Variants in PTPRD observed in about 807,000 individuals in gnomAD.
PTPRD encodes the protein protein tyrosine phosphatase receptor type D.
Under a neutral mutation model 214.5 loss-of-function variants are expected in PTPRD, and 34 were observed. The observed-to-expected ratio is 0.16, with a 90% confidence interval of 0.12 to 0.21. The LOEUF (loss-of-function observed/expected upper bound fraction) is 0.21. Ranked by LOEUF, PTPRD falls within the 10% of genes least tolerant of loss-of-function variation. PTPRD has a pLI of 1.00. For synonymous variants in PTPRD, 1,128 were observed against 845.7 expected (o/e 1.33, Z -5.79); for missense variants, 2,545 against 2,398.7 (o/e 1.06, Z -1.27).
At chr9:8,353,735 G>A (rs1418632914) in intron 39 of PTPRD, among the ~76,000 whole-genome samples, 1 of 151,406 alleles carries the variant, frequency 6.6e-6, no homozygotes, top group African/African-American at 2.4e-5. Context: ...CACCCAGCCA[G>A]TACTGCCCAT....
chr9:8,903,232 T>C (rs933098440), intron 11 of PTPRD, among the ~76,000 whole-genome samples: 3 of 152,118 alleles, frequency 2.0e-5, no homozygotes, highest in African/African-American at 7.2e-5. Context: ...ACGCCGAGGC[T>C]TGGGATATGA....
intron 39 of PTPRD, among the ~76,000 whole-genome samples, chr9:8,345,462 A>G (rs1027845094): frequency 6.6e-6 from 1 of 152,112 alleles, no homozygotes; most frequent in African/African-American, 2.4e-5. Context: ...CGTCTGTGAT[A>G]TTTCATTGGC....
chr9:9,672,375 G>A (rs983012398), intron 7 of PTPRD, among the ~76,000 whole-genome samples: 10 of 151,942 alleles, frequency 6.6e-5, no homozygotes, highest in South Asian at 2.1e-4. Context: ...CTACATTTAG[G>A]TATTGGTTAT....
rs182649645 is a variant in PTPRD, at chr9:8,913,483, A to C, written c.-104+105214T>G. Among the ~76,000 whole-genome samples, 484 of 152,228 alleles carry C rather than the reference A, an allele frequency of 3.2e-3. 1 individual carries two copies. Among genetic ancestry groups the C allele is most frequent in the African/African-American group, 0.011 (463 of 41,544 alleles). On this transcript the variant is annotated intron_variant, in intron 11 of 45. Transcript: ENST00000381196. ...CCTCAAAAATCAAGCAAAGTATATT[A>C]TTTACAGATGAGGGGTTCTATTCTG...
chr9:9,467,746 T>C (rs950106985), intron 8 of PTPRD, among the ~76,000 whole-genome samples: 3 of 152,126 alleles, frequency 2.0e-5, no homozygotes, highest in African/African-American at 7.2e-5. Context: ...TTTAAGTAGG[T>C]ATTGACTTTT....
At chr9:8,879,888 T>C (rs922202507) in intron 11 of PTPRD, among the ~76,000 whole-genome samples, 2 of 152,180 alleles carry the variant, frequency 1.3e-5, no homozygotes. Flanking sequence ...CACTAAAATG[T>C]GTAAGGAGAG....
chr9:9,874,392 G>C (rs1367639061), intron 5 of PTPRD, among the ~76,000 whole-genome samples: 2 of 152,054 alleles, frequency 1.3e-5, no homozygotes, highest in Admixed American at 6.6e-5. Flanking sequence ...ATGTTATACA[G>C]GATATCAATA....
intron 3 of PTPRD, among the ~76,000 whole-genome samples, chr9:10,236,877 AC>A (rs1564706813): frequency 6.6e-6 from 1 of 151,938 alleles, no homozygotes. Flanking sequence ...CTGACCATTA[AC>A]CTGTAAAAAA....
chr9:8,636,175 C>T (rs938974141), intron 13 of PTPRD, among the ~76,000 whole-genome samples: 7 of 152,106 alleles, frequency 4.6e-5, no homozygotes, highest in African/African-American at 1.2e-4. Context: ...TTCTTGATAA[C>T]GAGGATTTAA....
intron 7 of PTPRD, among the ~76,000 whole-genome samples, chr9:9,673,828 G>A (rs1418999552): frequency 6.6e-6 from 1 of 151,516 alleles, no homozygotes; most frequent in Non-Finnish European, 1.5e-5. Context: ...AAATGAGTGG[G>A]CTGACAGCAT....
intron 10 of PTPRD, among the ~76,000 whole-genome samples, chr9:9,041,988 G>A (rs1590335249): frequency 6.6e-6 from 1 of 152,310 alleles, no homozygotes; most frequent in East Asian, 1.9e-4. Context: ...GAAGGGTGAT[G>A]ATGTGACATA....
rs58429749 is a variant in PTPRD at position 8,905,738 on chromosome 9, C to CAAA, written c.-104+112956_-104+112958dup. ...TGGGAGACAGAGTGAGACTCCCTCG[C>CAAA]AAAAAAAAAAAAAAAAATGGAGAGA... On this transcript the variant is annotated intron_variant, in intron 11 of 45. Transcript: ENST00000381196. 3.8e-3 allele frequency among the ~76,000 whole-genome samples: 377 copies of CAAA among 98,996 alleles called. 3 individuals carry two copies. Among genetic ancestry groups the CAAA allele is most frequent in the African/African-American group, 0.012 (363 of 30,088 alleles). 64.9% of individuals were successfully genotyped at this position (98,996 alleles called of 152,430 possible).
chr9:8,763,518 A>C (rs929539559), intron 11 of PTPRD, among the ~76,000 whole-genome samples: 1 of 151,956 alleles, frequency 6.6e-6, no homozygotes, highest in Non-Finnish European at 1.5e-5. Flanking sequence ...GTCTCAAAAA[A>C]ATAAAGGCAA....
chr9:8,900,715 C>T (rs2098661336), intron 11 of PTPRD, among the ~76,000 whole-genome samples: 1 of 152,120 alleles, frequency 6.6e-6, no homozygotes. Flanking sequence ...CTGAGAAAGA[C>T]AGTCTTGTTT....
chr9:8,698,284 G>A (rs1176117791), intron 12 of PTPRD, among the ~76,000 whole-genome samples: 2 of 152,168 alleles, frequency 1.3e-5, no homozygotes, highest in Admixed American at 6.5e-5. Context: ...AACTGCTGTA[G>A]CTTTTAAGAC....
intron 27 of PTPRD, among the ~76,000 whole-genome samples, chr9:8,488,584 C>T (rs1469946516): frequency 6.6e-6 from 1 of 152,222 alleles, no homozygotes; most frequent in African/African-American, 2.4e-5. Context: ...ACGACCAACA[C>T]ACACTCTCAG....
intron 44 of PTPRD, among the ~76,000 whole-genome samples, chr9:8,323,897 A>G (rs999892892): frequency 4.6e-5 from 7 of 152,200 alleles, no homozygotes; most frequent in African/African-American, 9.7e-5. Flanking sequence ...ACAACATTGC[A>G]TGGTGCAGAG....
intron 2 of PTPRD, among the ~76,000 whole-genome samples, chr9:10,509,579 A>ATATATATATATATATATATATATATATT (rs1402201904): frequency 6.9e-5 from 9 of 131,236 alleles, no homozygotes; most frequent in Non-Finnish European, 8.2e-5. Context: ...ATATATATAT[A>ATATATATATATATATATATATATATATT]TTTTACTCAC....
At chr9:9,783,534 G>T (rs530221429) in intron 5 of PTPRD, among the ~76,000 whole-genome samples, 37 of 151,964 alleles carry the variant, frequency 2.4e-4, no homozygotes, top group Non-Finnish European at 4.4e-4. Context: ...CACTGATGTG[G>T]GAAGAGATCT....
Sources: gnomAD v4.1 joint callset for allele counts (sites outside exome capture counted in the v4.1 genomes callset) on GRCh38, gnomAD v4.1.1 for gene constraint, MANE v1.5 for transcripts, NCBI Gene and HGNC (gene_info 2026-07-23, HGNC 2026-07-21) for gene names.